The following ZNRF3 variants were observed in gnomAD, a reference collection of about 807,000 sequenced individuals.
ZNRF3 encodes zinc and ring finger 3.
ZNRF3 carries 23 observed loss-of-function variants against 72.5 expected under a neutral mutation model. That is an observed-to-expected ratio of 0.32 (90% CI 0.23 to 0.45). The LOEUF (loss-of-function observed/expected upper bound fraction) is 0.45. Ranked by LOEUF, ZNRF3 falls within the 20% of genes least tolerant of loss-of-function variation. The pLI, the probability that ZNRF3 is intolerant of heterozygous loss-of-function variation, is 1.00. For synonymous variants in ZNRF3, 610 were observed against 545.3 expected (o/e 1.12, Z -1.65); for missense variants, 1,169 against 1,272.1 (o/e 0.92, Z 1.23).
intron 1 of ZNRF3, among the ~76,000 whole-genome samples, chr22:28,899,904 T>C (rs1200254849): frequency 1.3e-5 from 2 of 152,160 alleles, no homozygotes; most frequent in Non-Finnish European, 2.9e-5. Context: ...TTGCCCAGGC[T>C]AGTCTCGAAC....
intron 1 of ZNRF3, among the ~76,000 whole-genome samples, chr22:28,919,518 C>T (rs2034471026): frequency 1.3e-5 from 2 of 151,396 alleles, no homozygotes; most frequent in Non-Finnish European, 2.9e-5. Flanking sequence ...AATACAGACC[C>T]GGTTAGACTT....
At chr22:28,925,156 C>A (rs576486231) in intron 1 of ZNRF3, among the ~76,000 whole-genome samples, 9 of 152,266 alleles carry the variant, frequency 5.9e-5, no homozygotes, top group Non-Finnish European at 8.8e-5. Flanking sequence ...GATGAAGAAG[C>A]CTGCCAAACG....
At chr22:28,972,824 ATGATATTG>A (rs1442390683) in intron 1 of ZNRF3, among the ~76,000 whole-genome samples, 4 of 152,316 alleles carry the variant, frequency 2.6e-5, no homozygotes, top group African/African-American at 9.6e-5. Context: ...TTGATGGCTA[ATGATATTG>A]AGCATCTTTT....
chr22:28,887,090 G>T (rs2033802028), intron 1 of ZNRF3, among the ~76,000 whole-genome samples: 2 of 152,248 alleles, frequency 1.3e-5, no homozygotes, highest in South Asian at 4.1e-4. Flanking sequence ...CTGGGGTTCT[G>T]TAGCAGTTTT....
intron 1 of ZNRF3, among the ~76,000 whole-genome samples, chr22:28,890,424 C>T (rs2033863568): frequency 6.6e-6 from 1 of 152,092 alleles, no homozygotes; most frequent in Non-Finnish European, 1.5e-5. Flanking sequence ...GGCGTGAACC[C>T]AGGAGGTGGA....
chr22:28,989,836 T>C (rs1180385395), intron 2 of ZNRF3, among the ~76,000 whole-genome samples: 3 of 152,188 alleles, frequency 2.0e-5, no homozygotes, highest in Non-Finnish European at 4.4e-5. Context: ...GGTGAAACCT[T>C]GAAATAAGAG....
chr22:28,980,178 G>A (rs995912318), intron 1 of ZNRF3, among the ~76,000 whole-genome samples: 2 of 152,026 alleles, frequency 1.3e-5, no homozygotes, highest in Admixed American at 1.3e-4. Flanking sequence ...AACAGATAGG[G>A]GCATAGAGTG....
chr22:28,961,291 A>G (rs2035354064), intron 1 of ZNRF3, among the ~76,000 whole-genome samples: 1 of 152,212 alleles, frequency 6.6e-6, no homozygotes, highest in Admixed American at 6.5e-5. Context: ...TCCAAAGTGC[A>G]TTTTGGAGGG....
At chr22:29,016,027 A>AC (rs1365168808) in intron 2 of ZNRF3, among the ~76,000 whole-genome samples, 1 of 142,362 alleles carries the variant, frequency 7.0e-6, no homozygotes, top group East Asian at 1.9e-4. Flanking sequence ...AAAAAAAAAA[A>AC]AACAAAAAAA....
At chr22:28,897,401 A>C (rs1035395873) in intron 1 of ZNRF3, among the ~76,000 whole-genome samples, 7 of 152,146 alleles carry the variant, frequency 4.6e-5, no homozygotes, top group Non-Finnish European at 8.8e-5. Context: ...GTTCACTGCA[A>C]ACTCTGCCTC....
Position 29,053,202 on chromosome 22 carries a change from CCTT to C in ZNRF3, c.2768-374_2768-372del, listed in dbSNP as rs1199021355. ...AGCCCCCTCTGAGATCACCTACACA[CCTT>C]CTGTTCACTTCTGTCATCCTATTGC... On this transcript the variant is annotated intron_variant, in intron 8 of 8. Coordinates refer to ENST00000544604, the MANE Select transcript of ZNRF3 (RefSeq NM_001206998.2). Among the ~76,000 whole-genome samples, 10 of 152,356 alleles carry C rather than the reference CCTT, an allele frequency of 6.6e-5. No homozygotes were observed. In the South Asian group the frequency reaches 1.7e-3, roughly 25 times the overall value.
intron 2 of ZNRF3, among the ~76,000 whole-genome samples, chr22:29,016,303 A>G (rs1320851868): frequency 6.6e-6 from 1 of 152,208 alleles, no homozygotes; most frequent in East Asian, 1.9e-4. Context: ...GAAAGCCTAG[A>G]GACAGATTGT....
intron 1 of ZNRF3, among the ~76,000 whole-genome samples, chr22:28,956,194 G>C (rs1351936912): frequency 2.0e-5 from 3 of 152,034 alleles, no homozygotes; most frequent in Non-Finnish European, 4.4e-5. Flanking sequence ...GAGTAGGCTA[G>C]TAATGTGATG....
chr22:28,925,374 C>T (rs192933916), intron 1 of ZNRF3, among the ~76,000 whole-genome samples: 294 of 152,340 alleles, frequency 1.9e-3, no homozygotes, highest in Middle Eastern at 6.8e-3. Flanking sequence ...TCTTTTGTTA[C>T]TCCAGCTAAA....
intron 1 of ZNRF3, among the ~76,000 whole-genome samples, chr22:28,959,941 A>C (rs1032752780): frequency 6.6e-6 from 1 of 152,212 alleles, no homozygotes; most frequent in Non-Finnish European, 1.5e-5. Flanking sequence ...TGGACTTCCC[A>C]GCTCCAGAAC....
intron 1 of ZNRF3, among the ~76,000 whole-genome samples, chr22:28,962,634 T>TG (rs768246000): frequency 7.9e-5 from 12 of 152,204 alleles, no homozygotes; most frequent in African/African-American, 2.9e-4. Context: ...TTTACACTGT[T>TG]GTGTGTGTCA....
intron 1 of ZNRF3, among the ~76,000 whole-genome samples, chr22:28,931,658 C>T (rs565595334): frequency 3.1e-4 from 47 of 152,298 alleles, no homozygotes; most frequent in African/African-American, 9.6e-4. Flanking sequence ...TCCACACACC[C>T]ATCTGTCCAC....
At chr22:28,932,590 A>G (rs1393111185) in intron 1 of ZNRF3, among the ~76,000 whole-genome samples, 1 of 152,202 alleles carries the variant, frequency 6.6e-6, no homozygotes, top group East Asian at 1.9e-4. Context: ...TTGATCTAAG[A>G]TGCATTGCCA....
At chr22:28,901,849 C>T (rs975919934) in intron 1 of ZNRF3, among the ~76,000 whole-genome samples, 2 of 151,652 alleles carry the variant, frequency 1.3e-5, no homozygotes, top group African/African-American at 4.9e-5. Context: ...GCCATGTTGC[C>T]CAGGCTAGTG....
Sources: gnomAD v4.1 joint callset for allele counts (sites outside exome capture counted in the v4.1 genomes callset) on GRCh38, gnomAD v4.1.1 for gene constraint, MANE v1.5 for transcripts, NCBI Gene and HGNC (gene_info 2026-07-23, HGNC 2026-07-21) for gene names.